The following CFAP95 variants were observed in gnomAD, a reference collection of about 807,000 sequenced individuals.
CFAP95 encodes the protein cilia and flagella associated protein 95.
the CFAP95 span, among the ~76,000 whole-genome samples, chr9:69,897,180 T>A: frequency 6.6e-6 from 1 of 152,242 alleles, no homozygotes; most frequent in East Asian, 1.9e-4. Context: ...TACTTTTATA[T>A]CTATTTTCAT....
the CFAP95 span, chr9:69,857,845 T>C: frequency 4.0e-6 from 6 of 1,499,088 alleles, no homozygotes; most frequent in South Asian, 7.0e-5. Flanking sequence ...TAGTTTTACA[T>C]GGCTTTGAAA....
At chr9:69,837,166 T>C in the CFAP95 span, among the ~76,000 whole-genome samples, 1 of 152,180 alleles carries the variant, frequency 6.6e-6, no homozygotes, top group East Asian at 1.9e-4. Context: ...GTCTTTGCTA[T>C]TGTGAATAAT....
At chr9:69,868,103 G>A in the CFAP95 span, among the ~76,000 whole-genome samples, 11 of 151,952 alleles carry the variant, frequency 7.2e-5, no homozygotes, top group Middle Eastern at 3.2e-3. Context: ...ATTTCTAATC[G>A]ATCAGAGATG....
At chr9:69,870,306 T>G in the CFAP95 span, among the ~76,000 whole-genome samples, 2 of 152,138 alleles carry the variant, frequency 1.3e-5, no homozygotes, top group Non-Finnish European at 2.9e-5. Context: ...AAACAACCAA[T>G]TAATACTTGT....
chr9:69,858,136 ATG>A, the CFAP95 span: 6 of 614,690 alleles, frequency 9.8e-6, no homozygotes, highest in Admixed American at 2.7e-5. Context: ...CTCCTTTCAC[ATG>A]CACAACATTA....
chr9:69,827,753 G>T, the CFAP95 span, among the ~76,000 whole-genome samples: 2 of 152,106 alleles, frequency 1.3e-5, no homozygotes, highest in Non-Finnish European at 2.9e-5. Flanking sequence ...GGTCCCACTC[G>T]GTCTCTTGCA....
At chr9:69,832,253 C>G in the CFAP95 span, among the ~76,000 whole-genome samples, 1 of 122,340 alleles carries the variant, frequency 8.2e-6, no homozygotes, top group East Asian at 2.6e-4. Context: ...AGACCTCTAA[C>G]AAATAATTAG....
At chr9:69,876,546 A>G in the CFAP95 span, among the ~76,000 whole-genome samples, 5 of 152,142 alleles carry the variant, frequency 3.3e-5, no homozygotes, top group African/African-American at 1.2e-4. Context: ...AAAGAAAAAA[A>G]AAAGAGTTTT....
At chr9:69,857,594 G>C in the CFAP95 span, among the ~76,000 whole-genome samples, 1 of 152,104 alleles carries the variant, frequency 6.6e-6, no homozygotes, top group Non-Finnish European at 1.5e-5. Flanking sequence ...GCGTGATCTT[G>C]GCTCACTGCA....
At chr9:69,847,115 G>C in the CFAP95 span, among the ~76,000 whole-genome samples, 1 of 152,290 alleles carries the variant, frequency 6.6e-6, no homozygotes, top group East Asian at 1.9e-4. Flanking sequence ...GCGGGGCAGG[G>C]ACAGTAGTGG....
the CFAP95 span, among the ~76,000 whole-genome samples, chr9:69,870,765 G>A: frequency 6.6e-6 from 1 of 152,178 alleles, no homozygotes. Context: ...AACACATTAG[G>A]GGTAAACAGG....
At chr9:69,850,266 C>G in the CFAP95 span, among the ~76,000 whole-genome samples, 3 of 152,182 alleles carry the variant, frequency 2.0e-5, no homozygotes, top group Non-Finnish European at 2.9e-5. Flanking sequence ...ACAGATTTTT[C>G]TTATACAGCT....
the CFAP95 span, among the ~76,000 whole-genome samples, chr9:69,822,085 T>C: frequency 6.6e-6 from 1 of 152,344 alleles, no homozygotes; most frequent in African/African-American, 2.4e-5. Context: ...TGGAAACTTT[T>C]AGGACTTTTC....
At chr9:69,897,795 T>A in the CFAP95 span, among the ~76,000 whole-genome samples, 1 of 152,174 alleles carries the variant, frequency 6.6e-6, no homozygotes, top group African/African-American at 2.4e-5. Context: ...TTAATGCATT[T>A]TACTGATGTA....
At chr9:69,822,330 C>G in the CFAP95 span, among the ~76,000 whole-genome samples, 1 of 152,230 alleles carries the variant, frequency 6.6e-6, no homozygotes, top group Non-Finnish European at 1.5e-5. Context: ...CCTGCAGTTT[C>G]TGTCTTGCAA....
chr9:69,861,141 C>A, the CFAP95 span, among the ~76,000 whole-genome samples: 1 of 152,174 alleles, frequency 6.6e-6, no homozygotes, highest in African/African-American at 2.4e-5. Context: ...CTTGTTGACA[C>A]TAGCATCACC....
chr9:69,871,691 C>T, the CFAP95 span, among the ~76,000 whole-genome samples: 1 of 151,984 alleles, frequency 6.6e-6, no homozygotes, highest in Non-Finnish European at 1.5e-5. Context: ...GTGATGGGGC[C>T]ATTCACTGAG....
At chr9:69,866,224 A>G in the CFAP95 span, among the ~76,000 whole-genome samples, 1 of 152,206 alleles carries the variant, frequency 6.6e-6, no homozygotes. Context: ...TCTCCGAGAA[A>G]CAGAACCAAT....
At chr9:69,822,776 C>T in the CFAP95 span, among the ~76,000 whole-genome samples, 6,191 of 152,264 alleles carry the variant, frequency 0.041, 412 homozygotes, top group African/African-American at 0.14. Context: ...GATAGTGGAA[C>T]GCTGTAAGTC....
Sources: allele counts gnomAD v4.1 joint callset (sites outside exome capture counted in the v4.1 genomes callset), GRCh38; gene constraint gnomAD v4.1.1; transcripts MANE v1.5; gene names NCBI Gene and HGNC (gene_info 2026-07-23, HGNC 2026-07-21).